Variants in GPHN observed in about 807,000 individuals in gnomAD.
GPHN encodes gephyrin.
In GPHN, 17 loss-of-function variants were observed where a neutral mutation model predicts 95.5. That is an observed-to-expected ratio of 0.18 (90% confidence interval 0.12 to 0.27). GPHN has a LOEUF of 0.27. Among genes scored for constraint, GPHN ranks in the 10% least tolerant of loss-of-function variants. The pLI is 1.00. For synonymous variants in GPHN, 320 were observed against 322.5 expected (o/e 0.99, Z 0.08); for missense variants, 660 against 978.1 (o/e 0.67, Z 4.34).
intron 1 of GPHN, among the ~76,000 whole-genome samples, chr14:66,613,010 A>G (rs568898734): frequency 1.3e-5 from 2 of 152,174 alleles, no homozygotes; most frequent in East Asian, 3.9e-4. Context: ...GTGAATATAT[A>G]CATGTAAGCC....
chr14:67,473,579 G>A, the GPHN span: 1 of 1,611,754 alleles, frequency 6.2e-7, no homozygotes, highest in South Asian at 1.1e-5. This position sits in a 1 kb window ranked among gnomAD's most constrained non-coding sequence, Gnocchi z 6.5. Context: ...CCAGGGTGAT[G>A]AGGCCCATGA....
chr14:66,768,295 A>G (rs371669874), intron 2 of GPHN, among the ~76,000 whole-genome samples: 5 of 152,064 alleles, frequency 3.3e-5, no homozygotes, highest in African/African-American at 9.6e-5. Context: ...TATTTATCCT[A>G]ATGGAAAAAA....
chr14:67,562,059 T>C, the GPHN span: 4 of 1,611,290 alleles, frequency 2.5e-6, no homozygotes, highest in Admixed American at 1.7e-5. Flanking sequence ...GGTGTGCAGG[T>C]GTGCAGTACG....
intron 3 of GPHN, among the ~76,000 whole-genome samples, chr14:66,779,159 C>G (rs1447241503): frequency 6.6e-6 from 1 of 152,074 alleles, no homozygotes. Context: ...GTCAAGTGTT[C>G]TAATGTATGG....
chr14:66,777,386 C>T (rs2059423527), intron 3 of GPHN, among the ~76,000 whole-genome samples: 1 of 152,138 alleles, frequency 6.6e-6, no homozygotes, highest in South Asian at 2.1e-4. Context: ...CTGAATTCTA[C>T]CTGAGGTACA....
the GPHN span, among the ~76,000 whole-genome samples, chr14:67,512,352 G>T: frequency 6.6e-6 from 1 of 152,192 alleles, no homozygotes; most frequent in Non-Finnish European, 1.5e-5. Flanking sequence ...CTGGCCAATA[G>T]AGGCTGAAAT....
chr14:67,005,050 T>G (rs774052611), intron 9 of GPHN, among the ~76,000 whole-genome samples: 9 of 151,458 alleles, frequency 5.9e-5, no homozygotes, highest in Admixed American at 1.3e-4. Flanking sequence ...ATGAGTAGCA[T>G]ATGCACAGCA....
chr14:66,685,345 G>A (rs2067274950), intron 2 of GPHN, among the ~76,000 whole-genome samples: 1 of 152,172 alleles, frequency 6.6e-6, no homozygotes, highest in Non-Finnish European at 1.5e-5. Context: ...CACAACAGTT[G>A]AACTAGTTTA....
At chr14:67,525,773 A>G in the GPHN span, among the ~76,000 whole-genome samples, 8,378 of 152,298 alleles carry the variant, frequency 0.055, 667 homozygotes, top group African/African-American at 0.18. Flanking sequence ...CAACATTAAC[A>G]ATTTTGCCTC....
At chr14:66,920,996 G>C (rs956266194) in intron 6 of GPHN, among the ~76,000 whole-genome samples, 1 of 152,044 alleles carries the variant, frequency 6.6e-6, no homozygotes, top group African/African-American at 2.4e-5. Context: ...TCCACTCATT[G>C]ATTGATGGGC....
chr14:67,030,274 G>C (rs2074133236), intron 10 of GPHN, among the ~76,000 whole-genome samples: 1 of 151,960 alleles, frequency 6.6e-6, no homozygotes, highest in Non-Finnish European at 1.5e-5. Context: ...ATATTTCAAG[G>C]AGTAACATCA....
the GPHN span, among the ~76,000 whole-genome samples, chr14:67,397,415 A>T: frequency 1.3e-5 from 2 of 152,200 alleles, no homozygotes; most frequent in African/African-American, 4.8e-5. Context: ...GGTCCTCACC[A>T]CAACCATGTG....
At chr14:67,139,894 A>G (rs1029427974) in intron 17 of GPHN, among the ~76,000 whole-genome samples, 1 of 152,176 alleles carries the variant, frequency 6.6e-6, no homozygotes, top group African/African-American at 2.4e-5. Flanking sequence ...TTGAGATTCA[A>G]TGATTTTGTG....
intron 2 of GPHN, among the ~76,000 whole-genome samples, chr14:66,725,341 A>T (rs1216789436): frequency 1.3e-5 from 2 of 152,282 alleles, no homozygotes; most frequent in Admixed American, 1.3e-4. Context: ...CTTGATATAG[A>T]TAGGTCTTTA....
intron 2 of GPHN, among the ~76,000 whole-genome samples, chr14:66,711,305 C>A (rs2153422170): frequency 6.6e-6 from 1 of 152,258 alleles, no homozygotes; most frequent in South Asian, 2.1e-4. Context: ...GTTTTCCATT[C>A]CTGAGTTACT....
intron 1 of GPHN, among the ~76,000 whole-genome samples, chr14:66,615,254 A>C (rs765172199): frequency 6.6e-6 from 1 of 152,138 alleles, no homozygotes; most frequent in Non-Finnish European, 1.5e-5. Context: ...GTCAAATGGT[A>C]TTTCTGGTTC....
At chr14:66,945,342 C>A (rs1252517496) in intron 8 of GPHN, among the ~76,000 whole-genome samples, 1 of 152,214 alleles carries the variant, frequency 6.6e-6, no homozygotes, top group African/African-American at 2.4e-5. Context: ...CCCATAGCTC[C>A]ACCCCATCCT....
the GPHN span, chr14:67,576,001 A>G: frequency 6.2e-7 from 1 of 1,610,604 alleles, no homozygotes; most frequent in Non-Finnish European, 8.5e-7. The surrounding 1 kb of genome is among the most constrained non-coding windows in gnomAD (Gnocchi z 4.0). Flanking sequence ...ACCAAGCATG[A>G]AAAGGTAAGG....
At chr14:67,101,414 T>C (rs1447710118) in intron 13 of GPHN, among the ~76,000 whole-genome samples, 1 of 152,040 alleles carries the variant, frequency 6.6e-6, no homozygotes, top group Non-Finnish European at 1.5e-5. Context: ...CAAGTCCATT[T>C]GACACTTTGA....
Sources: gnomAD v4.1 joint callset for allele counts (sites outside exome capture counted in the v4.1 genomes callset) on GRCh38, gnomAD v4.1.1 for gene constraint, Gnocchi (gnomAD v3.1) non-coding constraint, MANE v1.5 for transcripts, NCBI Gene and HGNC (gene_info 2026-07-23, HGNC 2026-07-21) for gene names.